Variants in KPNA3 observed in about 807,000 individuals in gnomAD.
KPNA3 encodes the protein importin subunit alpha-4.
In KPNA3, 13 loss-of-function variants were observed where a neutral mutation model predicts 73.8. The ratio of observed to expected loss-of-function variants is 0.18; its 90% CI spans 0.11 to 0.28. The LOEUF (loss-of-function observed/expected upper bound fraction) is 0.28, where lower values mean the gene tolerates loss of function less well. Ranked by LOEUF, KPNA3 falls within the 10% of genes least tolerant of loss-of-function variation. KPNA3 has a pLI of 1.00. For missense variants in KPNA3, 360 were observed against 618.1 expected (o/e 0.58, Z 4.43); for synonymous variants, 186 against 206.9 (o/e 0.90, Z 0.87).
chr13:49,771,794 C>T (rs1460143198), intron 1 of KPNA3, among the ~76,000 whole-genome samples: 2 of 152,174 alleles, frequency 1.3e-5, no homozygotes, highest in African/African-American at 2.4e-5. Flanking sequence ...GCTGGGACTA[C>T]AGGTACACAC....
At chr13:49,770,645 T>A (rs1164151079) in intron 1 of KPNA3, among the ~76,000 whole-genome samples, 1 of 152,082 alleles carries the variant, frequency 6.6e-6, no homozygotes, top group East Asian at 1.9e-4. Flanking sequence ...CTGAGAAGTT[T>A]ACACATTTTA....
At chr13:49,789,427 C>T (rs1187520265) in intron 1 of KPNA3, among the ~76,000 whole-genome samples, 4 of 152,148 alleles carry the variant, frequency 2.6e-5, no homozygotes, top group Non-Finnish European at 4.4e-5. Context: ...CCTCTCTCTA[C>T]TCAAATCCCC....
chr13:49,700,274 C>G lies in KPNA3; in HGVS notation c.*1526G>C, dbSNP rs1256232843. 1 of 152,610 alleles carries G rather than the reference C, an allele frequency of 6.6e-6. No homozygotes were observed. Among genetic ancestry groups the G allele is most frequent in the Non-Finnish European group, 1.5e-5 (1 of 68,020 alleles). The allele number at this position is 152,610 out of a possible 1,614,324, so 9.5% of individuals were successfully genotyped here. A position where few individuals can be genotyped will look rare whatever the true frequency, so the allele number is the denominator to read the frequency against. ...CACAAAGCTCTGATGGCATCTGTCT[C>G]ATCTTCATCACAGTAAATACACCCC... On this transcript the variant is annotated 3_prime_UTR_variant, in exon 17 of 17. Transcript: ENST00000261667.
intron 1 of KPNA3, among the ~76,000 whole-genome samples, chr13:49,782,062 C>T (rs1471022034): frequency 6.6e-6 from 1 of 152,074 alleles, no homozygotes; most frequent in African/African-American, 2.4e-5. Flanking sequence ...GATTTAAATG[C>T]CAGGGACAAA....
chr13:49,713,259 C>A (rs1954275798), intron 10 of KPNA3, among the ~76,000 whole-genome samples: 1 of 151,682 alleles, frequency 6.6e-6, no homozygotes, highest in Non-Finnish European at 1.5e-5. Context: ...ATCTATTAAC[C>A]AAATAGCCCT....
chr13:49,707,837 T>C (rs1280518323), intron 12 of KPNA3, among the ~76,000 whole-genome samples: 2 of 152,172 alleles, frequency 1.3e-5, no homozygotes, highest in African/African-American at 4.8e-5. Flanking sequence ...CATACTTTTC[T>C]ATAAGAACCC....
At chr13:49,728,030 T>A (rs1296387349) in intron 6 of KPNA3, among the ~76,000 whole-genome samples, 2 of 151,718 alleles carry the variant, frequency 1.3e-5, no homozygotes, top group Admixed American at 6.6e-5. Flanking sequence ...GGTAAGGAGA[T>A]CGAGACCATC....
chr13:49,733,438 G>A (rs1954490058), intron 2 of KPNA3, among the ~76,000 whole-genome samples: 3 of 151,886 alleles, frequency 2.0e-5, no homozygotes, highest in African/African-American at 7.3e-5. Context: ...ACAGTCGTGC[G>A]CCACCACACC....
In KPNA3 at chr13:49,709,614, G is replaced by A; in HGVS notation, c.990C>T (p.His330=). Residue 330 remains histidine (H), a synonymous_variant, in exon 12 of 17, where the codon CAC becomes CAT. Coordinates refer to ENST00000261667, the MANE Select transcript of KPNA3 (RefSeq NM_002267.4). ...TTGGGTGTGATAAGAGATTTGGGAA[G>A]TGTGACAGGACATCACAATTGAGAA... ...QVVLNCDVLS[H]FPNLLSHPKE... 6.2e-7 allele frequency: 1 copy of A among 1,613,426 alleles called. No individual in the cohort carries two copies. Among genetic ancestry groups the A allele is most frequent in the Non-Finnish European group, 8.5e-7 (1 of 1,179,462 alleles).
At chr13:49,714,133 T>C (rs527534211) in intron 10 of KPNA3, among the ~76,000 whole-genome samples, 7 of 152,006 alleles carry the variant, frequency 4.6e-5, no homozygotes, top group Non-Finnish European at 4.4e-5. Flanking sequence ...TCTGAACCCA[T>C]AGAATGCACA....
At chr13:49,706,758 T>G (rs899051101) in intron 12 of KPNA3, among the ~76,000 whole-genome samples, 14 of 151,442 alleles carry the variant, frequency 9.2e-5, no homozygotes, top group Non-Finnish European at 1.9e-4. Context: ...TTCTTTTCTT[T>G]TTTTTTTTGA....
At chr13:49,766,946 T>C (rs1314535607) in intron 1 of KPNA3, among the ~76,000 whole-genome samples, 1 of 141,838 alleles carries the variant, frequency 7.1e-6, no homozygotes, top group Non-Finnish European at 1.6e-5. Flanking sequence ...ATAACTGAAA[T>C]GGGATTCCTT....
At chr13:49,789,762 C>T (rs866638802) in intron 1 of KPNA3, among the ~76,000 whole-genome samples, 2 of 152,230 alleles carry the variant, frequency 1.3e-5, no homozygotes, top group Middle Eastern at 3.4e-3. Flanking sequence ...TAGTCTCTCT[C>T]TCTCCTACAT....
rs182158398 is a variant in KPNA3 at position 49,755,275 on chromosome 13, A to G, written c.70-8282T>C. Reference sequence around the variant, plus strand: ...AATCAATGATTATATTATTCAATGCAGAAAAAAATGACAAAATTCAACATC... The same window carrying G: ...AATCAATGATTATATTATTCAATGCGGAAAAAAATGACAAAATTCAACATC... On this transcript the variant is annotated intron_variant, in intron 1 of 16. Transcript: ENST00000261667. Among the ~76,000 whole-genome samples the G allele has an allele frequency of 1.1e-3, 165 of 152,316 alleles. 1 individual carries two copies. Among genetic ancestry groups the G allele is most frequent in the Non-Finnish European group, 3.5e-4 (24 of 68,032 alleles).
At chr13:49,729,237 T>C (rs1289319434) in intron 6 of KPNA3, among the ~76,000 whole-genome samples, 1 of 152,102 alleles carries the variant, frequency 6.6e-6, no homozygotes, top group African/African-American at 2.4e-5. Flanking sequence ...AGATGGTATA[T>C]CAGAGGCAGG....
rs986440459 is a variant in KPNA3, at chr13:49,789,510, AGCT to A, written c.69+2925_69+2927del. 5.3e-4 allele frequency among the ~76,000 whole-genome samples: 80 copies of A among 152,178 alleles called. 1 individual carries two copies. The highest frequency in any genetic ancestry group is 1.2e-3 in the Non-Finnish European group (79 of 68,024). On this transcript the variant is annotated intron_variant, in intron 1 of 16. Transcript: ENST00000261667. ...TCTTGCACCTAACATCTTGTGTATC[AGCT>A]GCTTCTATAATTTATAACATGTTTT...
At chr13:49,709,177 C>A (rs1339604799) in intron 12 of KPNA3, among the ~76,000 whole-genome samples, 1 of 152,032 alleles carries the variant, frequency 6.6e-6, no homozygotes, top group African/African-American at 2.4e-5. Flanking sequence ...CTGAAGCAGG[C>A]GGATCACAAG....
intron 10 of KPNA3, among the ~76,000 whole-genome samples, chr13:49,714,332 C>A (rs907764904): frequency 1.3e-5 from 2 of 151,800 alleles, no homozygotes; most frequent in South Asian, 4.2e-4. Flanking sequence ...TCCTACCTAA[C>A]TTAATTAGAA....
intron 10 of KPNA3, among the ~76,000 whole-genome samples, chr13:49,715,684 T>G (rs1954298049): frequency 6.6e-6 from 1 of 152,028 alleles, no homozygotes; most frequent in Non-Finnish European, 1.5e-5. Context: ...ATACAAACCT[T>G]CCCAGATACC....
Sources: allele counts gnomAD v4.1 joint callset (sites outside exome capture counted in the v4.1 genomes callset), GRCh38; gene constraint gnomAD v4.1.1; transcripts MANE v1.5; gene names NCBI Gene and HGNC (gene_info 2026-07-23, HGNC 2026-07-21).